LRP1B: variants seen among roughly 807,000 people sequenced by gnomAD.
LRP1B encodes low-density lipoprotein receptor-related protein 1B.
In LRP1B, 217 loss-of-function variants were observed where a neutral mutation model predicts 556.6. The observed-to-expected ratio is 0.39, with a 90% CI of 0.35 to 0.44. The LOEUF is 0.44. LRP1B is among the 20% of genes least tolerant of loss of function. The pLI, the probability that LRP1B is intolerant of heterozygous loss-of-function variation, is 1.00. For synonymous variants in LRP1B, 2,047 were observed against 1,865.8 expected (o/e 1.10, Z -2.50); for missense variants, 5,053 against 5,620.8 (o/e 0.90, Z 3.23).
intron 2 of LRP1B, among the ~76,000 whole-genome samples, chr2:141,722,741 G>C (rs917593677): frequency 8.8e-5 from 13 of 147,704 alleles, no homozygotes; most frequent in Non-Finnish European, 1.2e-4. Context: ...TAGATAGATA[G>C]ATAGATAGAT....
At chr2:140,472,216 TTGAATGAATGAA>T (rs1031196567) in intron 60 of LRP1B, among the ~76,000 whole-genome samples, 1 of 152,148 alleles carries the variant, frequency 6.6e-6, no homozygotes, top group East Asian at 1.9e-4. Context: ...TCAGTAAATA[TTGAATGAATGAA>T]TGAATGAATA....
intron 2 of LRP1B, among the ~76,000 whole-genome samples, chr2:141,661,786 A>G (rs908670306): frequency 6.6e-6 from 1 of 152,226 alleles, no homozygotes; most frequent in African/African-American, 2.4e-5. Context: ...ATCTTCCCCA[A>G]TCTAGCAAGA....
At chr2:141,723,024 A>G (rs1040048068) in intron 2 of LRP1B, among the ~76,000 whole-genome samples, 7 of 151,820 alleles carry the variant, frequency 4.6e-5, no homozygotes, top group Non-Finnish European at 1.0e-4. Context: ...TACATTTATT[A>G]TTGCCTACTT....
chr2:140,547,280 T>C (rs1444955861), intron 43 of LRP1B, among the ~76,000 whole-genome samples: 1 of 152,072 alleles, frequency 6.6e-6, no homozygotes, highest in Middle Eastern at 3.2e-3. Flanking sequence ...AATCATCTGG[T>C]CCTGGGTTTT....
intron 1 of LRP1B, among the ~76,000 whole-genome samples, chr2:141,913,920 G>A (rs891540925): frequency 1.3e-5 from 2 of 151,950 alleles, no homozygotes; most frequent in Admixed American, 1.3e-4. Flanking sequence ...GTAATTTTTT[G>A]TATTTTTAGT....
chr2:140,766,844 T>TTTATATATATATATATA (rs1689131701), intron 35 of LRP1B, among the ~76,000 whole-genome samples: 1 of 54,936 alleles, frequency 1.8e-5, no homozygotes, highest in Admixed American at 2.3e-4. Flanking sequence ...TATATATATA[T>TTTATATATATATATATA]TATATATATA....
intron 3 of LRP1B, among the ~76,000 whole-genome samples, chr2:141,281,539 G>C (rs772191004): frequency 6.6e-6 from 1 of 151,998 alleles, no homozygotes; most frequent in Non-Finnish European, 1.5e-5. Context: ...ATTAAAAGAT[G>C]TTAATATTTT....
chr2:140,511,292 CTTTTTTTTTTTTTTT>C (rs70985101), intron 51 of LRP1B, among the ~76,000 whole-genome samples: 1 of 58,458 alleles, frequency 1.7e-5, no homozygotes, highest in Non-Finnish European at 3.0e-5. Flanking sequence ...CTCTAAGGGT[CTTTTTTTTTTTTTTT>C]TTTTTTTTTT....
chr2:141,527,558 A>T (rs2105185513), intron 2 of LRP1B, among the ~76,000 whole-genome samples: 1 of 152,218 alleles, frequency 6.6e-6, no homozygotes, highest in East Asian at 1.9e-4. Context: ...ATGGAATTCC[A>T]TCAGATTCAA....
At chr2:141,671,766 C>T (rs1235460784) in intron 2 of LRP1B, among the ~76,000 whole-genome samples, 1 of 151,746 alleles carries the variant, frequency 6.6e-6, no homozygotes, top group Non-Finnish European at 1.5e-5. Flanking sequence ...AATCAAAAAA[C>T]ATATACATAA....
At position 141,011,071 on chromosome 2, in the gene LRP1B, C is replaced by CAGAGAG. The variant is rs143409764; in HGVS notation, c.2380+2479_2380+2484dup. 4.2e-3 allele frequency among the ~76,000 whole-genome samples: 602 copies of CAGAGAG among 142,806 alleles called. 2 individuals carry two copies. The highest frequency in any genetic ancestry group is 9.3e-3 in the South Asian group (42 of 4,492). 93.7% of individuals were successfully genotyped at this position (142,806 alleles called of 152,430 possible). On this transcript the variant is annotated intron_variant, in intron 14 of 90. Coordinates refer to ENST00000389484, the MANE Select transcript of LRP1B (RefSeq NM_018557.3). ...TAACATCATATAATTTGTATTCTCTCAGAGAGAGAGAGAGAGAGAGAGAGA... is the reference window on the plus strand; with the variant it reads ...TAACATCATATAATTTGTATTCTCTCAGAGAGAGAGAGAGAGAGAGAGAGAGAGAGA...
At chr2:140,935,895 C>CAT (rs1399026190) in intron 20 of LRP1B, among the ~76,000 whole-genome samples, 1 of 151,526 alleles carries the variant, frequency 6.6e-6, no homozygotes, top group African/African-American at 2.4e-5. Context: ...CACACACACA[C>CAT]ATATATATGT....
intron 66 of LRP1B, among the ~76,000 whole-genome samples, chr2:140,428,556 T>C (rs1685766783): frequency 6.6e-6 from 1 of 152,160 alleles, no homozygotes; most frequent in Non-Finnish European, 1.5e-5. Flanking sequence ...GCCCTGGAAC[T>C]CTGGCCCAAG....
At chr2:140,706,881 C>G (rs760596587) in intron 37 of LRP1B, among the ~76,000 whole-genome samples, 16 of 151,730 alleles carry the variant, frequency 1.1e-4, no homozygotes, top group Middle Eastern at 3.4e-3. Flanking sequence ...AATACACATT[C>G]AAATTATTAT....
At chr2:140,305,453 T>G (rs906440047) in intron 83 of LRP1B, among the ~76,000 whole-genome samples, 1 of 152,144 alleles carries the variant, frequency 6.6e-6, no homozygotes, top group African/African-American at 2.4e-5. Context: ...TTTGGCTCTC[T>G]GTCTGTTATT....
intron 6 of LRP1B, among the ~76,000 whole-genome samples, chr2:141,202,150 C>T (rs1474786598): frequency 1.3e-5 from 2 of 152,074 alleles, no homozygotes; most frequent in Non-Finnish European, 2.9e-5. Flanking sequence ...GTTGTTGCCC[C>T]CACCTCATGC....
At chr2:140,740,013 CAA>C (rs1208738668) in intron 35 of LRP1B, among the ~76,000 whole-genome samples, 1 of 152,042 alleles carries the variant, frequency 6.6e-6, no homozygotes, top group Non-Finnish European at 1.5e-5. Flanking sequence ...TACAAAAAAT[CAA>C]AAAACAGTAG....
intron 3 of LRP1B, among the ~76,000 whole-genome samples, chr2:141,298,562 A>C (rs375869107): frequency 6.6e-6 from 1 of 152,146 alleles, no homozygotes; most frequent in East Asian, 1.9e-4. Flanking sequence ...TCAGCATCAT[A>C]GGGGAGGACA....
At chr2:141,353,005 T>A (rs1305835385) in intron 3 of LRP1B, among the ~76,000 whole-genome samples, 1 of 152,154 alleles carries the variant, frequency 6.6e-6, no homozygotes, top group South Asian at 2.1e-4. Flanking sequence ...AGGTCAGTCT[T>A]CATTCTATTG....
Sources: gnomAD v4.1 joint callset for allele counts (sites outside exome capture counted in the v4.1 genomes callset) on GRCh38, gnomAD v4.1.1 for gene constraint, MANE v1.5 for transcripts, NCBI Gene and HGNC (gene_info 2026-07-23, HGNC 2026-07-21) for gene names.